The following FRMPD4 variants were observed in gnomAD, a reference collection of about 807,000 sequenced individuals.
The protein encoded by FRMPD4 is FERM and PDZ domain containing 4, also known as FERM and PDZ domain-containing protein 4.
FRMPD4 carries 22 observed loss-of-function variants against 94.1 expected under a neutral mutation model. That is an observed-to-expected ratio of 0.23 (90% CI 0.17 to 0.33). The LOEUF (loss-of-function observed/expected upper bound fraction) is 0.33, where lower values mean the gene tolerates loss of function less well. FRMPD4 is among the 10% of genes least tolerant of loss of function. The pLI is 1.00. For synonymous variants in FRMPD4, 631 were observed against 548.6 expected (o/e 1.15, Z -2.10); for missense variants, 1,111 against 1,339.9 (o/e 0.83, Z 2.67).
At chrX:11,826,773 A>G (rs779074724) in intron 1 of FRMPD4, among the ~76,000 whole-genome samples, 52 of 111,395 alleles carry the variant, frequency 4.7e-4, no homozygotes, top group Non-Finnish European at 9.0e-4. Flanking sequence ...TAGAACATTT[A>G]TCCAGTGTTA....
intron 3 of FRMPD4, among the ~76,000 whole-genome samples, chrX:12,012,908 G>A (rs186379372): frequency 8.9e-6 from 1 of 112,353 alleles, no homozygotes; most frequent in Admixed American, 9.4e-5. Flanking sequence ...ACAAGACACA[G>A]AAGTGGAAAG....
At chrX:12,160,469 C>T (rs1003699144) in intron 1 of FRMPD4, among the ~76,000 whole-genome samples, 22 of 111,345 alleles carry the variant, frequency 2.0e-4, no homozygotes, top group Middle Eastern at 4.2e-3. Flanking sequence ...AAGAACTGAC[C>T]GTAGTTTGGA....
At chrX:12,060,914 A>G (rs746283189) in intron 3 of FRMPD4, among the ~76,000 whole-genome samples, 1 of 112,178 alleles carries the variant, frequency 8.9e-6, no homozygotes, top group South Asian at 3.8e-4. Context: ...TTCCTGCATA[A>G]TATCTACTAT....
chrX:12,017,801 C>T (rs1353104975), intron 3 of FRMPD4, among the ~76,000 whole-genome samples: 1 of 111,615 alleles, frequency 9.0e-6, no homozygotes, highest in African/African-American at 3.3e-5. Context: ...ATTCACAGCA[C>T]CTTGATTCTC....
chrX:11,848,901 G>C lies in FRMPD4; in HGVS notation c.-160-16185G>C, dbSNP rs78115997. Among the ~76,000 whole-genome samples, 80 of 111,813 alleles carry C rather than the reference G, an allele frequency of 7.2e-4. No homozygotes were observed. The East Asian group carries it at 0.022, about 31-fold the overall frequency. On this transcript the variant is annotated intron_variant, in intron 1 of 18. Coordinates refer to the FRMPD4 transcript ENST00000640291. ...TTTTCTTCTAAGATCAGGAAGAAGA[G>C]AAGGATGCCTGCTTTCACTACTTCT...
At chrX:12,168,367 GA>G (rs36104662) in intron 1 of FRMPD4, among the ~76,000 whole-genome samples, 34 of 86,421 alleles carry the variant, frequency 3.9e-4, no homozygotes, top group African/African-American at 6.6e-4. Context: ...GCCAGATTGG[GA>G]AAAAAAAAAA....
intron 1 of FRMPD4, among the ~76,000 whole-genome samples, chrX:12,315,448 G>T (rs2055099920): frequency 1.8e-5 from 2 of 112,151 alleles, no homozygotes; most frequent in Admixed American, 1.9e-4. Context: ...TCCTGTGTCA[G>T]TCTCATGTAA....
intron 1 of FRMPD4, among the ~76,000 whole-genome samples, chrX:12,429,799 A>G (rs1367487035): frequency 8.9e-6 from 1 of 112,135 alleles, no homozygotes. Context: ...GGGGCCTTTA[A>G]GAGGTGATTA....
At position 12,716,763 on chromosome X, in the gene FRMPD4, G is replaced by A. The variant is rs751324511; in HGVS notation, c.2304G>A (p.Pro768=). The A allele has an allele frequency of 4.1e-6, 5 of 1,208,962 alleles. No individual in the cohort carries two copies. The highest frequency in any genetic ancestry group is 3.5e-5 in the African/African-American group (2 of 57,153). Residue 768 remains proline (P), a synonymous_variant, in exon 15 of 17, where the codon CCG becomes CCA. Transcript: ENST00000675598. ...EDLVVGEMNQ[P]AILNLSGSSD... is the part of the protein sequence containing the mutation. Reference sequence around the variant, plus strand: ...TCGTGGTGGGGGAGATGAACCAGCCGGCCATCCTCAACCTGTCTGGGTCAA... The same window carrying A: ...TCGTGGTGGGGGAGATGAACCAGCCAGCCATCCTCAACCTGTCTGGGTCAA...
intron 3 of FRMPD4, among the ~76,000 whole-genome samples, chrX:12,101,283 C>T (rs758846146): frequency 1.8e-5 from 2 of 111,239 alleles, no homozygotes; most frequent in African/African-American, 3.3e-5. Context: ...GTGTTTCTGT[C>T]GAGGGGCATC....
intron 2 of FRMPD4, among the ~76,000 whole-genome samples, chrX:12,556,422 A>G (rs911963372): frequency 9.0e-6 from 1 of 111,167 alleles, no homozygotes; most frequent in African/African-American, 3.3e-5. Context: ...TGCACTGCCT[A>G]CGGAGGGGGG....
intron 1 of FRMPD4, chrX:12,341,675 A>T (rs1194541261): frequency 3.1e-6 from 1 of 323,741 alleles, no homozygotes; most frequent in Non-Finnish European, 6.0e-6. Context: ...CTGACTCTAA[A>T]CCTTGAGCTC....
At chrX:12,591,004 G>A (rs1280172128) in intron 2 of FRMPD4, among the ~76,000 whole-genome samples, 1 of 111,372 alleles carries the variant, frequency 9.0e-6, no homozygotes, top group African/African-American at 3.3e-5. Context: ...TATCATTTTT[G>A]CAAATGTGAT....
intron 2 of FRMPD4, among the ~76,000 whole-genome samples, chrX:12,534,967 T>G (rs189923657): frequency 9.0e-6 from 1 of 111,337 alleles, no homozygotes; most frequent in East Asian, 2.8e-4. Flanking sequence ...AATGATATGG[T>G]TTGGCTGTGT....
chrX:12,007,290 G>A (rs2054558681), intron 3 of FRMPD4, among the ~76,000 whole-genome samples: 1 of 112,165 alleles, frequency 8.9e-6, no homozygotes, highest in South Asian at 3.8e-4. Flanking sequence ...ATCGTTTTTA[G>A]CTTCAGCAGA....
intron 5 of FRMPD4, among the ~76,000 whole-genome samples, chrX:12,681,328 G>T (rs929602092): frequency 8.9e-6 from 1 of 112,271 alleles, no homozygotes; most frequent in Admixed American, 9.5e-5. Context: ...AAGCAAATGC[G>T]CTCACCGCTG....
chrX:11,906,115 TTTTA>T (rs59185589), intron 3 of FRMPD4, among the ~76,000 whole-genome samples: 3,994 of 88,220 alleles, frequency 0.045, 67 homozygotes, highest in Middle Eastern at 0.066. Flanking sequence ...TTTCCCTTCA[TTTTA>T]TTTATTTATT....
intron 1 of FRMPD4, among the ~76,000 whole-genome samples, chrX:12,306,098 CAAAA>C (rs1197977902): frequency 3.7e-4 from 34 of 91,219 alleles, no homozygotes; most frequent in African/African-American, 1.1e-3. Flanking sequence ...AAAAAAAAAA[CAAAA>C]CCCCCCAAAA....
chrX:11,921,980 GA>G (rs1185821553), intron 3 of FRMPD4, among the ~76,000 whole-genome samples: 2 of 111,702 alleles, frequency 1.8e-5, no homozygotes, highest in Non-Finnish European at 3.8e-5. Context: ...CTGGAAACAA[GA>G]CAAAGCCAAT....
Sources: gnomAD v4.1 joint callset for allele counts (sites outside exome capture counted in the v4.1 genomes callset) on GRCh38, gnomAD v4.1.1 for gene constraint, MANE v1.5 for transcripts, NCBI Gene and HGNC (gene_info 2026-07-23, HGNC 2026-07-21) for gene names.